Variants in ABCB4 observed in about 807,000 individuals in gnomAD.
The protein encoded by ABCB4 is phosphatidylcholine translocator ABCB4.
A neutral mutation model predicts 145.7 loss-of-function variants in ABCB4; 76 were observed. That is an observed-to-expected ratio of 0.52 (90% CI 0.43 to 0.63). ABCB4 has a LOEUF of 0.63. Ranked by LOEUF, ABCB4 falls within the 30% of genes least tolerant of loss-of-function variation. The probability of loss-of-function intolerance (pLI) is 0.00; values close to 1 mark genes in which losing one functional copy is unlikely to be tolerated. For missense variants in ABCB4, 1,234 were observed against 1,553.1 expected (o/e 0.79, Z 3.45); for synonymous variants, 517 against 566.8 (o/e 0.91, Z 1.25).
chr7:87,392,291 C>T, the ABCB4 span, among the ~76,000 whole-genome samples: 3 of 152,046 alleles, frequency 2.0e-5, no homozygotes, highest in South Asian at 2.1e-4. Context: ...TTTGAAATAT[C>T]GGTTGCTTTT....
the ABCB4 span, chr7:87,393,110 A>G: frequency 6.3e-7 from 1 of 1,588,132 alleles, no homozygotes; most frequent in Non-Finnish European, 8.5e-7. Context: ...ATAGAGTAGG[A>G]AAGGTATTAC....
At chr7:87,431,301 G>T in intron 15 of ABCB4, 103 bp downstream of exon 15, 1 of 1,459,470 alleles carries the variant, frequency 6.9e-7, no homozygotes, top group Non-Finnish European at 9.5e-7. Flanking sequence ...TCTTGTTGAA[G>T]TTTCTTCTTG....
At chr7:87,368,476 G>A in the ABCB4 span, among the ~76,000 whole-genome samples, 2 of 152,046 alleles carry the variant, frequency 1.3e-5, no homozygotes, top group Admixed American at 6.6e-5. Flanking sequence ...GAGGAACAAG[G>A]AAAACACATA....
chr7:87,469,343 T>C (rs1813188130), intron 3 of ABCB4, among the ~76,000 whole-genome samples: 1 of 152,178 alleles, frequency 6.6e-6, no homozygotes, highest in East Asian at 1.9e-4. Flanking sequence ...ACCACTCCTA[T>C]TCAACATAGT....
chr7:87,444,866 T>C lies in ABCB4; in HGVS notation c.1115A>G (p.Asp372Gly). The change falls in exon 10 of 28, where the codon GAT becomes GGT. Residue 372 changes from aspartate (D) to glycine (G), a missense_variant. Physicochemically the swap from Asp to Gly is moderately conservative, Grantham distance 94. Transcript: ENST00000649586. ...GAAYVIFDII[D>G]NNPKIDSFSE... ...CTAAAATAATAAATGACTTACATTA[T>C]CAATAATATCAAAGATCACATATGC... 1 of 1,603,660 alleles carries C rather than the reference T, an allele frequency of 6.2e-7. No homozygotes were observed. The highest frequency in any genetic ancestry group is 2.2e-5 in the East Asian group (1 of 44,744).
rs1405306195 is a variant in ABCB4, at chr7:87,417,295, A to C, written c.2682+17T>G. On this transcript the variant is annotated intron_variant, in intron 21 of 27. Transcript: ENST00000649586. ...AAAAACAACACTTAACACCAATTGA[A>C]ATCTTATTTGACCTACCTTTCCAGC... is the stretch of plus-strand genomic sequence containing the variant. 6.2e-7 allele frequency: 1 copy of C among 1,612,504 alleles called. No individual in the cohort carries two copies. The highest frequency in any genetic ancestry group is 8.5e-7 in the Non-Finnish European group (1 of 1,178,916).
At position 87,418,626 on chromosome 7, in the gene ABCB4, G is replaced by A; in HGVS notation, c.2395-6C>T. 6.2e-7 allele frequency: 1 copy of A among 1,612,678 alleles called. No homozygotes were observed. Reference sequence around the variant, plus strand: ...TCATCAAACCAGCTCATGTCCTATGGCATAAAATACACGTTTATGTTAGTT... The same window carrying A: ...TCATCAAACCAGCTCATGTCCTATGACATAAAATACACGTTTATGTTAGTT... On this transcript the variant is annotated splice_region_variant and splice_polypyrimidine_tract_variant and intron_variant, in intron 19 of 27. Transcript: ENST00000649586.
chr7:87,393,159 T>C, the ABCB4 span: 2 of 1,329,738 alleles, frequency 1.5e-6, no homozygotes, highest in African/African-American at 1.5e-5. Flanking sequence ...GTGATTCTTA[T>C]ATTGCCATCT....
intron 21 of ABCB4, among the ~76,000 whole-genome samples, chr7:87,416,917 C>T (rs1431195952): frequency 6.6e-6 from 1 of 152,170 alleles, no homozygotes; most frequent in Non-Finnish European, 1.5e-5. Flanking sequence ...GAAATCACAG[C>T]CAAAAAGAAG....
chr7:87,421,188 TGA>T (rs1809391158), intron 18 of ABCB4, among the ~76,000 whole-genome samples: 1 of 152,166 alleles, frequency 6.6e-6, no homozygotes, highest in Admixed American at 6.5e-5. Flanking sequence ...AGCCACAGTG[TGA>T]GTGTTGGGGT....
the ABCB4 span, among the ~76,000 whole-genome samples, chr7:87,384,666 T>C: frequency 4.6e-5 from 7 of 152,230 alleles, no homozygotes; most frequent in Non-Finnish European, 1.0e-4. Context: ...TTTTCTCCCA[T>C]TCTGTGGGCT....
chr7:87,366,672 C>T, the ABCB4 span, among the ~76,000 whole-genome samples: 1 of 152,186 alleles, frequency 6.6e-6, no homozygotes, highest in South Asian at 2.1e-4. Flanking sequence ...CCCGTCTTCA[C>T]TTCTTTCTGG....
At chr7:87,391,605 G>A in the ABCB4 span, 1 of 1,594,164 alleles carries the variant, frequency 6.3e-7, no homozygotes. Context: ...TTGTTGCTAT[G>A]AAACAGCTAT....
chr7:87,390,639 A>C, the ABCB4 span, among the ~76,000 whole-genome samples: 8 of 152,136 alleles, frequency 5.3e-5, no homozygotes, highest in Non-Finnish European at 1.2e-4. Flanking sequence ...AACCAATAAG[A>C]AAGTAAGAGA....
chr7:87,405,427 CT>C (rs55698863), intron 26 of ABCB4, among the ~76,000 whole-genome samples: 462 of 133,844 alleles, frequency 3.5e-3, no homozygotes, highest in African/African-American at 0.011. Context: ...TGTTCTGTAT[CT>C]TTTTTTTTTT....
chr7:87,413,796 C>CAAAAGT, intron 21 of ABCB4, 79 bp from the exon 22 acceptor site: 2 of 961,648 alleles, frequency 2.1e-6, no homozygotes, highest in Non-Finnish European at 3.4e-6. Flanking sequence ...AGGGCTCTGT[C>CAAAAGT]AAAAGTATCC....
chr7:87,374,152 A>G, the ABCB4 span, among the ~76,000 whole-genome samples: 2 of 152,096 alleles, frequency 1.3e-5, no homozygotes, highest in African/African-American at 4.8e-5. Flanking sequence ...TTTAATACAA[A>G]TCTTTGTGCT....
downstream of ABCB4, chr7:87,398,793 A>C (rs1417486520): frequency 2.8e-6 from 2 of 718,234 alleles, no homozygotes; most frequent in African/African-American, 3.6e-5. Flanking sequence ...AATTAGTAGA[A>C]TCATGCTCTC....
intron 4 of ABCB4, among the ~76,000 whole-genome samples, chr7:87,458,379 C>T (rs560060216): frequency 6.6e-6 from 1 of 152,334 alleles, no homozygotes; most frequent in Admixed American, 6.5e-5. Flanking sequence ...ACGAGCTTTG[C>T]TCACAATAAG....
Sources: gnomAD v4.1 joint callset for allele counts (sites outside exome capture counted in the v4.1 genomes callset) on GRCh38, gnomAD v4.1.1 for gene constraint, MANE v1.5 for transcripts, NCBI Gene and HGNC (gene_info 2026-07-23, HGNC 2026-07-21) for gene names.